Variants in NEK7 observed in about 807,000 individuals in gnomAD.
The protein encoded by NEK7 is serine/threonine-protein kinase Nek7.
In NEK7, 18 loss-of-function variants were observed where a neutral mutation model predicts 44.6. The ratio of observed to expected loss-of-function variants is 0.40; its 90% CI spans 0.28 to 0.60. NEK7 has a LOEUF of 0.60. Ranked by LOEUF, NEK7 falls within the 20% of genes least tolerant of loss-of-function variation. The pLI is 0.38. For synonymous variants in NEK7, 130 were observed against 121.1 expected (o/e 1.07, Z -0.48); for missense variants, 256 against 366.5 (o/e 0.70, Z 2.46).
intron 1 of NEK7, among the ~76,000 whole-genome samples, chr1:198,229,003 C>T (rs1666309697): frequency 6.6e-6 from 1 of 152,084 alleles, no homozygotes; most frequent in East Asian, 1.9e-4. Flanking sequence ...AAGGTCTTAA[C>T]ACCATTTCAG....
chr1:198,187,818 C>T (rs1279709216), intron 1 of NEK7, among the ~76,000 whole-genome samples: 2 of 152,118 alleles, frequency 1.3e-5, no homozygotes, highest in Non-Finnish European at 1.5e-5. Flanking sequence ...ATCTCTGGTC[C>T]CTTTATCTTT....
intron 1 of NEK7, among the ~76,000 whole-genome samples, chr1:198,187,243 G>A (rs952106761): frequency 7.9e-5 from 12 of 152,134 alleles, no homozygotes; most frequent in African/African-American, 2.9e-4. Context: ...TTATGTGCCA[G>A]GCTTCCCTTT....
In NEK7 at chr1:198,319,571, T is replaced by G; in HGVS notation, c.*49T>G. 2 of 1,551,822 alleles carry G rather than the reference T, an allele frequency of 1.3e-6. No homozygotes were observed. The highest frequency in any genetic ancestry group is 1.7e-4 in the Middle Eastern group (1 of 5,834). On this transcript the variant is annotated 3_prime_UTR_variant, in exon 10 of 10. Coordinates refer to ENST00000367385, the MANE Select transcript of NEK7 (RefSeq NM_133494.3). Reference sequence around the variant, plus strand: ...AACCAAAGTAATTGAAAGTATTTTGTGCAAGTCATACCTCCCCATTTATGT... The same window carrying G: ...AACCAAAGTAATTGAAAGTATTTTGGGCAAGTCATACCTCCCCATTTATGT...
At position 198,321,834 on chromosome 1, in the gene NEK7, G is replaced by A. The variant is rs1022002129; in HGVS notation, c.*2312G>A. On this transcript the variant is annotated 3_prime_UTR_variant, in exon 10 of 10. Transcript: ENST00000367385. The stretch of plus-strand genomic sequence containing the variant: ...AAATGTTCTTTATATGTGTTCATAA[G>A]TAAATTTTATATTGATTAAGTTAAA... The A allele has an allele frequency of 1.3e-5, 2 of 152,038 alleles. No homozygotes were observed. The highest frequency in any genetic ancestry group is 2.9e-5 in the Non-Finnish European group (2 of 67,944). The allele number at this position is 152,038 out of a possible 1,614,324, so 9.4% of individuals were successfully genotyped here. A position where few individuals can be genotyped will look rare whatever the true frequency, so the allele number is the denominator to read the frequency against.
In NEK7 at chr1:198,272,108, A is replaced by G. The variant is rs893865902; in HGVS notation, c.373-5853A>G. On this transcript the variant is annotated intron_variant, in intron 5 of 9. Transcript: ENST00000367385. ...AAATATCACTTGGGTTTTCCTTGAT[A>G]CTTAAGTAGTTTGAAGTCGAAGCAG... Among the ~76,000 whole-genome samples, 4 of 151,630 alleles carry G rather than the reference A, an allele frequency of 2.6e-5. 1 individual carries two copies. The highest frequency in any genetic ancestry group is 6.8e-3 in the Middle Eastern group (2 of 294).
chr1:198,192,319 C>T (rs1665103860), intron 1 of NEK7, among the ~76,000 whole-genome samples: 1 of 146,942 alleles, frequency 6.8e-6, no homozygotes, highest in African/African-American at 2.5e-5. Flanking sequence ...ATAGATTTGT[C>T]TATTTTTATT....
chr1:198,188,146 G>A (rs1348887311), intron 1 of NEK7, among the ~76,000 whole-genome samples: 1 of 152,140 alleles, frequency 6.6e-6, no homozygotes, highest in Non-Finnish European at 1.5e-5. Context: ...CCAAAAAGTC[G>A]TTGTCTATCT....
intron 5 of NEK7, 109 bp downstream of exon 5, chr1:198,264,344 C>A: frequency 1.4e-6 from 1 of 709,038 alleles, no homozygotes; most frequent in Non-Finnish European, 2.4e-6. Context: ...GACCTCAATG[C>A]AAAGCTTATC....
chr1:198,243,471 C>T (rs1367788631), intron 2 of NEK7, among the ~76,000 whole-genome samples: 2 of 152,066 alleles, frequency 1.3e-5, no homozygotes, highest in Non-Finnish European at 2.9e-5. Context: ...TGGTAGTGCT[C>T]ATAGGGAAGT....
At chr1:198,314,179 C>T (rs1382045332) in intron 9 of NEK7, among the ~76,000 whole-genome samples, 1 of 152,084 alleles carries the variant, frequency 6.6e-6, no homozygotes. Context: ...TCATTTCATT[C>T]ATTTCATCTT....
chr1:198,174,504 C>T (rs1025604747), intron 1 of NEK7, among the ~76,000 whole-genome samples: 1 of 152,056 alleles, frequency 6.6e-6, no homozygotes, highest in Admixed American at 6.6e-5. Context: ...TGCTAAACAT[C>T]GATTGTGTCC....
intron 8 of NEK7, among the ~76,000 whole-genome samples, chr1:198,294,247 G>A (rs1004326980): frequency 1.3e-5 from 2 of 151,800 alleles, no homozygotes; most frequent in African/African-American, 4.8e-5. Context: ...AAAATTATGA[G>A]TCAGTAATGT....
intron 1 of NEK7, among the ~76,000 whole-genome samples, chr1:198,185,866 C>T (rs1664906713): frequency 6.6e-6 from 1 of 152,192 alleles, no homozygotes; most frequent in African/African-American, 2.4e-5. Flanking sequence ...TGATTGGTTG[C>T]TGGTTGTCTT....
intron 5 of NEK7, among the ~76,000 whole-genome samples, chr1:198,271,729 AC>A (rs1653849118): frequency 6.6e-6 from 1 of 151,718 alleles, no homozygotes; most frequent in African/African-American, 2.4e-5. Context: ...AATTATGAGA[AC>A]TGCCAGTGAT....
At chr1:198,276,414 A>T (rs558347740) in intron 5 of NEK7, among the ~76,000 whole-genome samples, 132 of 151,834 alleles carry the variant, frequency 8.7e-4, no homozygotes, top group Non-Finnish European at 7.2e-4. Context: ...CTAATCCAGC[A>T]TCAGGGAGAG....
chr1:198,253,243 A>G (rs1458830942), intron 3 of NEK7, 63 bp downstream of exon 3: 1 of 1,114,654 alleles, frequency 9.0e-7, no homozygotes, highest in Non-Finnish European at 1.3e-6. Context: ...TAGATGAGAA[A>G]AGTATATCCT....
intron 2 of NEK7, among the ~76,000 whole-genome samples, chr1:198,242,446 G>A (rs1338760877): frequency 6.9e-6 from 1 of 145,264 alleles, no homozygotes; most frequent in Non-Finnish European, 1.5e-5. Flanking sequence ...CACCCAGGCT[G>A]AAATGCCGTG....
intron 2 of NEK7, among the ~76,000 whole-genome samples, chr1:198,246,758 A>C (rs2102906268): frequency 6.6e-6 from 1 of 152,394 alleles, no homozygotes; most frequent in South Asian, 2.1e-4. Flanking sequence ...TGCAGACAGA[A>C]GATGGAATTC....
At chr1:198,223,207 G>A (rs934382352) in intron 1 of NEK7, among the ~76,000 whole-genome samples, 48 of 152,272 alleles carry the variant, frequency 3.2e-4, no homozygotes, top group African/African-American at 9.1e-4. Flanking sequence ...ATATCACTTT[G>A]GAGAGAATGG....
Sources: allele counts gnomAD v4.1 joint callset (sites outside exome capture counted in the v4.1 genomes callset), GRCh38; gene constraint gnomAD v4.1.1; transcripts MANE v1.5; gene names NCBI Gene and HGNC (gene_info 2026-07-23, HGNC 2026-07-21).